The following PEBP4 variants were observed in gnomAD, a reference collection of about 807,000 sequenced individuals.
PEBP4 encodes phosphatidylethanolamine binding protein 4, also known as phosphatidylethanolamine-binding protein 4.
Under a neutral mutation model 23.9 loss-of-function variants are expected in PEBP4, and 22 were observed. The ratio of observed to expected loss-of-function variants is 0.92; its 90% CI spans 0.66 to 1.31. The LOEUF (loss-of-function observed/expected upper bound fraction) is 1.31, where lower values mean the gene tolerates loss of function less well. Ranked by LOEUF, PEBP4 falls within the 40% of genes most tolerant of loss-of-function variation. The pLI is 0.00. For missense variants in PEBP4, 324 were observed against 281.7 expected (o/e 1.15, Z -1.07); for synonymous variants, 112 against 99.3 (o/e 1.13, Z -0.76).
intron 4 of PEBP4, among the ~76,000 whole-genome samples, chr8:22,760,275 G>A (rs1028975221): frequency 6.6e-6 from 1 of 152,118 alleles, no homozygotes; most frequent in African/African-American, 2.4e-5. Context: ...ACTGGGAAGT[G>A]AACACAGGCA....
chr8:22,798,107 C>T (rs565917100), intron 4 of PEBP4, among the ~76,000 whole-genome samples: 1 of 152,148 alleles, frequency 6.6e-6, no homozygotes, highest in Admixed American at 6.5e-5. Flanking sequence ...GAAGGCATCC[C>T]GAATGAGGGG....
chr8:22,920,102 C>A, intron 3 of PEBP4, 82 bp downstream of exon 3: 1 of 1,545,430 alleles, frequency 6.5e-7, no homozygotes, highest in Non-Finnish European at 8.8e-7. Flanking sequence ...CACGCAGCTT[C>A]AAGTCACCCA....
At chr8:22,907,993 A>G (rs1230750516) in intron 3 of PEBP4, among the ~76,000 whole-genome samples, 1 of 148,918 alleles carries the variant, frequency 6.7e-6, no homozygotes, top group Non-Finnish European at 1.5e-5. Context: ...TGCATGGGTG[A>G]CAGAGTGGGA....
At chr8:22,931,719 G>A (rs868724518), upstream of PEBP4, among the ~76,000 whole-genome samples, 36 of 152,128 alleles carry the variant, frequency 2.4e-4, no homozygotes, top group African/African-American at 8.2e-4. Flanking sequence ...AAGTAGCTGG[G>A]ATTACAGGCA....
At chr8:22,903,458 T>G (rs1484147896) in intron 3 of PEBP4, among the ~76,000 whole-genome samples, 3 of 152,188 alleles carry the variant, frequency 2.0e-5, no homozygotes, top group African/African-American at 7.2e-5. Flanking sequence ...GAGGCATTTC[T>G]AAGAAACACA....
chr8:22,802,127 T>C (rs1806396020), intron 4 of PEBP4, among the ~76,000 whole-genome samples: 1 of 152,146 alleles, frequency 6.6e-6, no homozygotes, highest in African/African-American at 2.4e-5. Flanking sequence ...GACTGTGGGT[T>C]CCTCCTCCTC....
At chr8:22,879,425 G>A (rs551921825) in intron 3 of PEBP4, 8 of 152,346 alleles carry the variant, frequency 5.3e-5, no homozygotes, top group African/African-American at 1.9e-4. Flanking sequence ...GCAGAGATGA[G>A]ATTTCAAGCC....
chr8:22,888,937 G>A (rs549246612), intron 3 of PEBP4, among the ~76,000 whole-genome samples: 17 of 152,296 alleles, frequency 1.1e-4, no homozygotes, highest in East Asian at 3.9e-4. Flanking sequence ...GGCTTACTCC[G>A]CCAGGAAGCC....
In PEBP4 at chr8:22,772,342, A is replaced by G. The variant is rs187071775; in HGVS notation, c.358-45122T>C. On this transcript the variant is annotated intron_variant, in intron 4 of 6. Coordinates refer to ENST00000256404, the MANE Select transcript of PEBP4 (RefSeq NM_144962.3). Reference sequence around the variant, plus strand: ...GGCTGAGATAATTCTGCATATGCAAAGGCATCTAGAAGAGTCCCAGGCAAA... The same window carrying G: ...GGCTGAGATAATTCTGCATATGCAAGGGCATCTAGAAGAGTCCCAGGCAAA... 1.4e-3 allele frequency among the ~76,000 whole-genome samples: 213 copies of G among 152,336 alleles called. 2 individuals are homozygous for G. Among genetic ancestry groups the G allele is most frequent in the African/African-American group, 5.0e-3 (207 of 41,566 alleles).
In PEBP4 at chr8:22,713,305, G is replaced by T; in HGVS notation, c.*65C>A. 1 of 1,509,470 alleles carries T rather than the reference G, an allele frequency of 6.6e-7. No individual in the cohort carries two copies. The highest frequency in any genetic ancestry group is 8.8e-7 in the Non-Finnish European group (1 of 1,131,278). The allele number at this position is 1,509,470 out of a possible 1,614,324, so 93.5% of individuals were successfully genotyped here. A position where few individuals can be genotyped will look rare whatever the true frequency, so the allele number is the denominator to read the frequency against. On this transcript the variant is annotated 3_prime_UTR_variant, in exon 7 of 7. Coordinates refer to ENST00000256404, the MANE Select transcript of PEBP4 (RefSeq NM_144962.3). ...AGAAGGGGTTCTGTATCCAGAGGGG[G>T]TTCCATACCCACATCGTCGGTGGTG...
At chr8:22,842,540 G>T (rs185174266) in intron 3 of PEBP4, among the ~76,000 whole-genome samples, 72 of 152,304 alleles carry the variant, frequency 4.7e-4, no homozygotes, top group African/African-American at 1.6e-3. Flanking sequence ...ATGTCATCAG[G>T]GAGAACCTTA....
At chr8:22,863,837 G>A (rs1222866081) in intron 3 of PEBP4, among the ~76,000 whole-genome samples, 1 of 152,200 alleles carries the variant, frequency 6.6e-6, no homozygotes, top group African/African-American at 2.4e-5. Flanking sequence ...TGCTACAGGA[G>A]AAAAGAAGGA....
At chr8:22,925,669 C>G (rs1482938107) in intron 2 of PEBP4, among the ~76,000 whole-genome samples, 1 of 152,172 alleles carries the variant, frequency 6.6e-6, no homozygotes, top group Non-Finnish European at 1.5e-5. Flanking sequence ...TCTGGAGCCT[C>G]AGGCTGGTCA....
Position 22,860,194 on chromosome 8 carries a change from A to ATATATATATATACACATATATG in PEBP4, c.259-42481_259-42460dup, listed in dbSNP as rs1807745302. 1.2e-4 allele frequency among the ~76,000 whole-genome samples: 12 copies of ATATATATATATACACATATATG among 97,600 alleles called. No homozygotes were observed. The East Asian group carries it at 2.8e-3, about 23-fold the overall frequency. The allele number at this position is 97,600 out of a possible 152,430, so 64.0% of individuals were successfully genotyped here. Reference sequence around the variant, plus strand: ...TATATATATATACACATATATATGTATATATATATATACACATATATGTAT... The same window carrying ATATATATATATACACATATATG: ...TATATATATATACACATATATATGTATATATATATATACACATATATGTATATATATATACACATATATGTAT... On this transcript the variant is annotated intron_variant, in intron 3 of 6. Transcript: ENST00000256404.
chr8:22,802,088 G>A (rs1806394768), intron 4 of PEBP4, among the ~76,000 whole-genome samples: 1 of 152,026 alleles, frequency 6.6e-6, no homozygotes, highest in South Asian at 2.1e-4. Flanking sequence ...CCACCTCCCA[G>A]CATCTCCAGA....
intron 4 of PEBP4, among the ~76,000 whole-genome samples, chr8:22,791,434 T>G (rs546255005): frequency 6.6e-6 from 1 of 152,324 alleles, no homozygotes; most frequent in African/African-American, 2.4e-5. Flanking sequence ...AAAGGCAAAT[T>G]TATTTGTGAC....
intron 3 of PEBP4, among the ~76,000 whole-genome samples, chr8:22,900,030 G>A (rs1415942347): frequency 1.3e-5 from 2 of 152,006 alleles, no homozygotes; most frequent in Non-Finnish European, 2.9e-5. Context: ...CTGCCTGCAT[G>A]ACCTCTGGCA....
intron 4 of PEBP4, among the ~76,000 whole-genome samples, chr8:22,760,024 C>T (rs1427063259): frequency 6.6e-6 from 1 of 152,208 alleles, no homozygotes; most frequent in Non-Finnish European, 1.5e-5. Flanking sequence ...TCCAAGACTA[C>T]CTAGGCACAG....
intron 2 of PEBP4, among the ~76,000 whole-genome samples, chr8:22,927,007 G>A (rs974959485): frequency 3.3e-5 from 5 of 152,092 alleles, no homozygotes; most frequent in Non-Finnish European, 5.9e-5. Flanking sequence ...GGAGAGAGCC[G>A]AACGCCAGGC....
Sources: gnomAD v4.1 joint callset for allele counts (sites outside exome capture counted in the v4.1 genomes callset) on GRCh38, gnomAD v4.1.1 for gene constraint, MANE v1.5 for transcripts, NCBI Gene and HGNC (gene_info 2026-07-23, HGNC 2026-07-21) for gene names.